ARHGAP22: variants seen among roughly 807,000 people sequenced by gnomAD.
ARHGAP22 encodes rho GTPase-activating protein 22.
In ARHGAP22, 48 loss-of-function variants were observed where a neutral mutation model predicts 59.1. The ratio of observed to expected loss-of-function variants is 0.81; its 90% CI spans 0.64 to 1.03. The LOEUF (loss-of-function observed/expected upper bound fraction) is 1.03. Among genes scored for constraint, ARHGAP22 ranks in the 50% least tolerant of loss-of-function variants. The pLI, the probability that ARHGAP22 is intolerant of heterozygous loss-of-function variation, is 0.00. For missense variants in ARHGAP22, 1,015 were observed against 958.7 expected, an observed-to-expected ratio of 1.06 and a Z score of -0.78; for synonymous variants, 445 against 416.4, an observed-to-expected ratio of 1.07 and a Z score of -0.84.
chr10:48,654,711 A>G (rs529321855), upstream of ARHGAP22, among the ~76,000 whole-genome samples: 9 of 152,192 alleles, frequency 5.9e-5, no homozygotes, highest in East Asian at 1.7e-3. Flanking sequence ...GAGAGGAGAG[A>G]GAGGGAGAGA....
At chr10:48,642,136 C>T (rs1447868702) in intron 1 of ARHGAP22, among the ~76,000 whole-genome samples, 1 of 152,100 alleles carries the variant, frequency 6.6e-6, no homozygotes, top group Non-Finnish European at 1.5e-5. Context: ...TAGGAAGAAT[C>T]AATATCATGA....
chr10:48,573,242 G>A (rs572940229), intron 2 of ARHGAP22, among the ~76,000 whole-genome samples: 1 of 152,160 alleles, frequency 6.6e-6, no homozygotes, highest in South Asian at 2.1e-4. Flanking sequence ...CCACAACTAG[G>A]GTATTTCCTA....
chr10:48,467,284 C>T (rs151222764), intron 4 of ARHGAP22, among the ~76,000 whole-genome samples: 2 of 152,248 alleles, frequency 1.3e-5, no homozygotes, highest in Non-Finnish European at 2.9e-5. Flanking sequence ...TTCTGCAAAG[C>T]CTGTATTCTT....
At chr10:48,597,341 C>T (rs971137640) in intron 1 of ARHGAP22, among the ~76,000 whole-genome samples, 31 of 152,042 alleles carry the variant, frequency 2.0e-4, no homozygotes, top group African/African-American at 7.5e-4. Context: ...AGCTAAAGGG[C>T]ATGAGATTAC....
At chr10:48,589,079 G>A (rs2059601886) in intron 1 of ARHGAP22, among the ~76,000 whole-genome samples, 1 of 152,158 alleles carries the variant, frequency 6.6e-6, no homozygotes, top group Non-Finnish European at 1.5e-5. Flanking sequence ...CACATCTTGA[G>A]AGGGTGGCCC....
chr10:48,490,114 A>G lies in ARHGAP22; in HGVS notation c.323-10350T>C, dbSNP rs532729134. On this transcript the variant is annotated intron_variant, in intron 3 of 9. Transcript: ENST00000249601. ...CCCTCAATGTGGAGCACAGTGACTT[A>G]ATTTCCCCAACTGTCAGACTCATGC... Among the ~76,000 whole-genome samples the G allele has an allele frequency of 1.4e-3, 207 of 152,202 alleles. 1 individual carries two copies. The highest frequency in any genetic ancestry group is 4.8e-3 in the African/African-American group (201 of 41,514).
chr10:48,439,914 C>T, the ARHGAP22 span, among the ~76,000 whole-genome samples: 1 of 152,256 alleles, frequency 6.6e-6, no homozygotes, highest in Non-Finnish European at 1.5e-5. Context: ...CTCTGAGGAG[C>T]GGAGAGGAAG....
chr10:48,451,241 T>A, intron 8 of ARHGAP22, 101 bp from the exon 9 acceptor site: 1 of 1,488,208 alleles, frequency 6.7e-7, no homozygotes, highest in South Asian at 1.2e-5. Context: ...GAGCTGGCCC[T>A]GTCCCCAGAG....
At chr10:48,607,317 C>A (rs2060715369), upstream of ARHGAP22, among the ~76,000 whole-genome samples, 1 of 152,160 alleles carries the variant, frequency 6.6e-6, no homozygotes, top group African/African-American at 2.4e-5. Context: ...TGGGCTCACA[C>A]CCCAGAAGTC....
At chr10:48,621,795 T>C (rs1433093971) in intron 1 of ARHGAP22, among the ~76,000 whole-genome samples, 4 of 152,266 alleles carry the variant, frequency 2.6e-5, no homozygotes, top group Non-Finnish European at 5.9e-5. Context: ...TCTCTAAGTC[T>C]TTCTGGTTTT....
intron 3 of ARHGAP22, among the ~76,000 whole-genome samples, chr10:48,541,615 A>G (rs1337557764): frequency 6.6e-6 from 1 of 152,198 alleles, no homozygotes; most frequent in Non-Finnish European, 1.5e-5. Flanking sequence ...CCCCCTGTGT[A>G]GAACAGGCTG....
At chr10:48,586,829 C>T (rs1378709252) in intron 1 of ARHGAP22, among the ~76,000 whole-genome samples, 2 of 152,196 alleles carry the variant, frequency 1.3e-5, no homozygotes, top group Non-Finnish European at 2.9e-5. Context: ...TAGCTGATTG[C>T]CCACAGCAGG....
At chr10:48,631,238 T>C (rs1315088675) in intron 1 of ARHGAP22, among the ~76,000 whole-genome samples, 1 of 152,250 alleles carries the variant, frequency 6.6e-6, no homozygotes, top group African/African-American at 2.4e-5. Context: ...TTTACATCTA[T>C]ATTCATAAAA....
intron 1 of ARHGAP22, among the ~76,000 whole-genome samples, chr10:48,584,064 G>A (rs1187155516): frequency 6.6e-6 from 1 of 152,136 alleles, no homozygotes; most frequent in Non-Finnish European, 1.5e-5. Flanking sequence ...TCTCTGGCCA[G>A]TGTCAAGGCC....
intron 1 of ARHGAP22, among the ~76,000 whole-genome samples, chr10:48,643,946 G>C (rs1164240921): frequency 6.6e-6 from 1 of 152,106 alleles, no homozygotes; most frequent in Non-Finnish European, 1.5e-5. Context: ...TGGGGAGTTT[G>C]AGACCAGCCT....
the ARHGAP22 span, among the ~76,000 whole-genome samples, chr10:48,440,928 A>G: frequency 1.3e-5 from 2 of 152,228 alleles, no homozygotes; most frequent in Admixed American, 1.3e-4. Flanking sequence ...GAAGTCGCCA[A>G]GCTTAGCGTT....
intron 1 of ARHGAP22, among the ~76,000 whole-genome samples, chr10:48,590,781 AG>A (rs2059705041): frequency 7.3e-6 from 1 of 136,310 alleles, no homozygotes; most frequent in African/African-American, 2.8e-5. Flanking sequence ...GGGACTCTGG[AG>A]GTGGTCATGG....
At chr10:48,609,868 C>T (rs2099649704), upstream of ARHGAP22, among the ~76,000 whole-genome samples, 1 of 152,206 alleles carries the variant, frequency 6.6e-6, no homozygotes, top group Non-Finnish European at 1.5e-5. Flanking sequence ...CGAAACCTAT[C>T]ATATGCTGAA....
At chr10:48,435,135 A>T in the ARHGAP22 span, 4 of 877,342 alleles carry the variant, frequency 4.6e-6, no homozygotes, top group East Asian at 1.1e-4. Context: ...TTTTTCAAAA[A>T]ATGTAGAATT....
Sources: allele counts gnomAD v4.1 joint callset (sites outside exome capture counted in the v4.1 genomes callset), GRCh38; gene constraint gnomAD v4.1.1; transcripts MANE v1.5; gene names NCBI Gene and HGNC (gene_info 2026-07-23, HGNC 2026-07-21).